CDH18: variants seen among roughly 807,000 people sequenced by gnomAD.
CDH18 encodes the protein cadherin-18.
In CDH18, 31 loss-of-function variants were observed where a neutral mutation model predicts 67.9. The observed-to-expected ratio is 0.46, with a 90% CI of 0.34 to 0.62. The LOEUF is 0.62. CDH18 is among the 20% of genes least tolerant of loss of function. The pLI, the probability that CDH18 is intolerant of heterozygous loss-of-function variation, is 0.01. For missense variants in CDH18, 890 were observed against 975.5 expected (o/e 0.91, Z 1.17); for synonymous variants, 362 against 347.2 (o/e 1.04, Z -0.48).
intron 2 of CDH18, among the ~76,000 whole-genome samples, chr5:19,967,542 T>C (rs1797578801): frequency 6.6e-6 from 1 of 152,126 alleles, no homozygotes; most frequent in African/African-American, 2.4e-5. Context: ...TTACTAAGCT[T>C]CAAAACAATT....
chr5:20,117,079 G>A (rs567744004), intron 2 of CDH18, among the ~76,000 whole-genome samples: 1 of 151,692 alleles, frequency 6.6e-6, no homozygotes, highest in African/African-American at 2.4e-5. Flanking sequence ...CCTTAGCATG[G>A]TACCATTGAA....
At chr5:20,163,729 T>C (rs1736068956) in intron 2 of CDH18, among the ~76,000 whole-genome samples, 2 of 152,194 alleles carry the variant, frequency 1.3e-5, no homozygotes, top group Admixed American at 1.3e-4. Flanking sequence ...GGTTAAAACA[T>C]ATAAAGCAGA....
chr5:19,677,581 A>G (rs1206497062), intron 5 of CDH18, among the ~76,000 whole-genome samples: 4 of 152,032 alleles, frequency 2.6e-5, no homozygotes, highest in African/African-American at 7.2e-5. Flanking sequence ...TTGAAGATAA[A>G]CAGGGTAAAT....
At chr5:20,325,874 A>G (rs1198945695) in intron 1 of CDH18, among the ~76,000 whole-genome samples, 2 of 152,132 alleles carry the variant, frequency 1.3e-5, no homozygotes, top group African/African-American at 4.8e-5. Flanking sequence ...CTATATTATA[A>G]TAGGACTCTC....
chr5:19,687,501 T>C (rs1761272405), intron 5 of CDH18, among the ~76,000 whole-genome samples: 1 of 152,106 alleles, frequency 6.6e-6, no homozygotes, highest in Non-Finnish European at 1.5e-5. Flanking sequence ...TCTTGGGGAA[T>C]GGGCCATGCA....
intron 2 of CDH18, among the ~76,000 whole-genome samples, chr5:20,231,132 T>C (rs1321117638): frequency 2.6e-5 from 4 of 152,324 alleles, no homozygotes; most frequent in Non-Finnish European, 4.4e-5. Context: ...TCAAAATAAC[T>C]CTTATCTACA....
chr5:20,483,297 T>C (rs1043829332), intron 1 of CDH18, among the ~76,000 whole-genome samples: 2 of 152,072 alleles, frequency 1.3e-5, no homozygotes, highest in African/African-American at 4.8e-5. Flanking sequence ...AGATATTCCA[T>C]ATTTTTGAAT....
At chr5:19,980,378 C>T (rs1798917326) in intron 2 of CDH18, among the ~76,000 whole-genome samples, 1 of 151,572 alleles carries the variant, frequency 6.6e-6, no homozygotes, top group Admixed American at 6.6e-5. Flanking sequence ...AAGTAAGCAA[C>T]CATAAAAATT....
At chr5:20,070,233 CT>C (rs1743357557) in intron 2 of CDH18, among the ~76,000 whole-genome samples, 5 of 151,274 alleles carry the variant, frequency 3.3e-5, no homozygotes, top group Non-Finnish European at 7.4e-5. Context: ...TAATTTATTT[CT>C]TTTTAGCACT....
intron 2 of CDH18, among the ~76,000 whole-genome samples, chr5:20,001,054 A>G (rs1736400176): frequency 1.3e-5 from 2 of 152,230 alleles, no homozygotes. Flanking sequence ...GTAACTAAAA[A>G]TAGATCAAAT....
chr5:20,389,454 G>A (rs968640443), intron 1 of CDH18, among the ~76,000 whole-genome samples: 3 of 151,824 alleles, frequency 2.0e-5, no homozygotes, highest in Admixed American at 1.3e-4. Context: ...GTCTCTGCAC[G>A]TGAGATGGGT....
chr5:19,876,402 G>A (rs1787003088), intron 2 of CDH18, among the ~76,000 whole-genome samples: 1 of 151,960 alleles, frequency 6.6e-6, no homozygotes, highest in South Asian at 2.1e-4. Context: ...TCAACTATAA[G>A]GTACAACTAG....
At chr5:20,486,940 G>C (rs1753233010) in intron 1 of CDH18, among the ~76,000 whole-genome samples, 1 of 152,174 alleles carries the variant, frequency 6.6e-6, no homozygotes, top group African/African-American at 2.4e-5. Context: ...AGTGGCGACA[G>C]GGAGGCAGAA....
intron 2 of CDH18, among the ~76,000 whole-genome samples, chr5:19,874,902 A>C (rs942164713): frequency 1.3e-5 from 2 of 152,186 alleles, no homozygotes; most frequent in African/African-American, 4.8e-5. Flanking sequence ...AGCGGGGAGC[A>C]TATTCTGTCA....
At chr5:19,618,640 A>G (rs549098706) in intron 5 of CDH18, among the ~76,000 whole-genome samples, 1 of 152,316 alleles carries the variant, frequency 6.6e-6, no homozygotes, top group South Asian at 2.1e-4. Flanking sequence ...TAAATCATGT[A>G]AAGTGCTCAT....
chr5:19,791,809 A>G (rs74806903), intron 3 of CDH18, among the ~76,000 whole-genome samples: 5,520 of 152,302 alleles, frequency 0.036, 335 homozygotes, highest in African/African-American at 0.13. Flanking sequence ...AAATAGGAGG[A>G]AAAGAAATGG....
chr5:20,261,036 AGTACATTTGTGATAATTTGTCAT>A (rs1331203426), intron 1 of CDH18, among the ~76,000 whole-genome samples: 1 of 152,206 alleles, frequency 6.6e-6, no homozygotes, highest in Non-Finnish European at 1.5e-5. Context: ...GTTTTAACCC[AGTACATTTGTGATAATTTGTCAT>A]GTGGCAATAG....
chr5:19,831,416 A>C (rs895622793), intron 3 of CDH18, among the ~76,000 whole-genome samples: 1 of 152,024 alleles, frequency 6.6e-6, no homozygotes, highest in African/African-American at 2.4e-5. Context: ...TAAGAGAAAA[A>C]GCAAAAAACA....
intron 5 of CDH18, among the ~76,000 whole-genome samples, chr5:19,652,882 T>C (rs2150275860): frequency 6.6e-6 from 1 of 152,210 alleles, no homozygotes. Flanking sequence ...AAATGATGCA[T>C]TCATTTACAA....
Sources: allele counts gnomAD v4.1 joint callset (sites outside exome capture counted in the v4.1 genomes callset), GRCh38; gene constraint gnomAD v4.1.1; transcripts MANE v1.5; gene names NCBI Gene and HGNC (gene_info 2026-07-23, HGNC 2026-07-21).